The following DNAH11 variants were observed in gnomAD, a reference collection of about 807,000 sequenced individuals.
DNAH11 encodes the protein dynein axonemal heavy chain 11, also known as axonemal beta dynein heavy chain 11.
A neutral mutation model predicts 526.0 loss-of-function variants in DNAH11; 442 were observed. The observed-to-expected ratio is 0.84, with a 90% CI of 0.78 to 0.91. The LOEUF (loss-of-function observed/expected upper bound fraction) is 0.91. DNAH11 is among the 40% of genes least tolerant of loss of function. DNAH11 has a pLI of 0.00. For missense variants in DNAH11, 6,989 were observed against 5,448.7 expected, an observed-to-expected ratio of 1.28 and a Z score of -8.90; for synonymous variants, 2,461 against 1,935.9, an observed-to-expected ratio of 1.27 and a Z score of -7.12.
intron 30 of DNAH11, among the ~76,000 whole-genome samples, chr7:21,681,198 A>G (rs1783119935): frequency 6.6e-6 from 1 of 152,080 alleles, no homozygotes; most frequent in East Asian, 1.9e-4. Flanking sequence ...AGGCCGAGGT[A>G]GGCAGATCAC....
At position 21,588,551 on chromosome 7, in the gene DNAH11, T is replaced by C. The variant is rs1583505808; in HGVS notation, c.1888T>C (p.Phe630Leu). The change falls in exon 11 of 82, where the codon TTT becomes CTT. Residue 630 changes from phenylalanine (F) to leucine (L), a missense_variant. Transcript: ENST00000409508. ...TGTAGTTCTTAACAAGAACATGCCATTTACCTCAGGAAATATGAAATGGGC... is the reference window on the plus strand; with the variant it reads ...TGTAGTTCTTAACAAGAACATGCCACTTACCTCAGGAAATATGAAATGGGC... ...GHVVLNKNMP[F>L]TSGNMKWAQQ... 1 of 1,613,714 alleles carries C rather than the reference T, an allele frequency of 6.2e-7. No homozygotes were observed. Among genetic ancestry groups the C allele is most frequent in the Non-Finnish European group, 8.5e-7 (1 of 1,179,640 alleles).
chr7:21,736,599 G>T (rs1461967310), intron 46 of DNAH11, among the ~76,000 whole-genome samples: 1 of 152,168 alleles, frequency 6.6e-6, no homozygotes, highest in Admixed American at 6.5e-5. Context: ...AATAATAAAT[G>T]TTCTTACTCA....
intron 68 of DNAH11, among the ~76,000 whole-genome samples, chr7:21,860,293 A>G (rs1384216062): frequency 6.6e-6 from 1 of 151,928 alleles, no homozygotes; most frequent in African/African-American, 2.4e-5. Flanking sequence ...CTATCAAAAA[A>G]AAAAGATAAC....
intron 74 of DNAH11, among the ~76,000 whole-genome samples, chr7:21,874,739 C>CT (rs1783640414): frequency 6.6e-6 from 1 of 151,894 alleles, no homozygotes; most frequent in African/African-American, 2.4e-5. Context: ...TACCATTACT[C>CT]TTTTTACCCA....
intron 8 of DNAH11, among the ~76,000 whole-genome samples, chr7:21,577,512 A>C (rs1784142450): frequency 6.6e-6 from 1 of 152,184 alleles, no homozygotes; most frequent in Non-Finnish European, 1.5e-5. Flanking sequence ...ATGTTGGAGC[A>C]AACCTGATGG....
chr7:21,832,643 C>T (rs998839873), intron 65 of DNAH11, among the ~76,000 whole-genome samples: 5 of 152,116 alleles, frequency 3.3e-5, no homozygotes, highest in African/African-American at 9.7e-5. Flanking sequence ...GAAGGAGCAT[C>T]GTTATATATA....
intron 34 of DNAH11, among the ~76,000 whole-genome samples, chr7:21,689,277 T>A (rs1001443476): frequency 6.6e-6 from 1 of 152,234 alleles, no homozygotes; most frequent in Non-Finnish European, 1.5e-5. Context: ...TCCTTTCTTA[T>A]GGAGATTTAT....
intron 63 of DNAH11, among the ~76,000 whole-genome samples, chr7:21,809,740 A>G (rs2127997247): frequency 6.6e-6 from 1 of 150,932 alleles, no homozygotes; most frequent in South Asian, 2.1e-4. Context: ...ATTTTTTTGT[A>G]TTTTTAGTAG....
intron 54 of DNAH11, among the ~76,000 whole-genome samples, chr7:21,761,023 T>G (rs868333275): frequency 2.6e-5 from 4 of 152,228 alleles, no homozygotes; most frequent in Middle Eastern, 3.2e-3. Flanking sequence ...GAAAATTATT[T>G]GGAATGATTT....
intron 65 of DNAH11, among the ~76,000 whole-genome samples, chr7:21,840,949 A>G (rs1233664728): frequency 6.6e-6 from 1 of 152,212 alleles, no homozygotes; most frequent in East Asian, 1.9e-4. Flanking sequence ...TGGAAGGCCA[A>G]GGCGGGTGGA....
intron 43 of DNAH11, 64 bp from the exon 44 acceptor site, chr7:21,720,661 A>C: frequency 6.7e-7 from 1 of 1,482,360 alleles, no homozygotes; most frequent in Non-Finnish European, 9.0e-7. Flanking sequence ...AGTTGTAAAA[A>C]TATTCTTTGA....
chr7:21,881,029 C>T (rs1253661014), intron 75 of DNAH11, 136 bp downstream of exon 75: 10 of 812,940 alleles, frequency 1.2e-5, no homozygotes, highest in African/African-American at 9.0e-5. Flanking sequence ...TATCTTCTGC[C>T]AAGTGTGAAA....
rs1307484100 is a variant in DNAH11 at position 21,703,372 on chromosome 7, C to A, written c.6273+570C>A. On this transcript the variant is annotated intron_variant, in intron 37 of 81. Transcript: ENST00000409508. Reference sequence around the variant, plus strand: ...GAGCAATGGATATGTGTTATCAGTCCATTTTCACACTGTTACAAAGAACTA... The same window carrying A: ...GAGCAATGGATATGTGTTATCAGTCAATTTTCACACTGTTACAAAGAACTA... 2.0e-5 allele frequency: 3 copies of A among 152,968 alleles called. No homozygotes were observed. In the East Asian group the frequency reaches 5.8e-4, roughly 29 times the overall value. The allele number at this position is 152,968 out of a possible 1,614,324, so 9.5% of individuals were successfully genotyped here. A position where few individuals can be genotyped will look rare whatever the true frequency, so the allele number is the denominator to read the frequency against.
intron 28 of DNAH11, among the ~76,000 whole-genome samples, chr7:21,646,442 GAGAGTTTCC>G (rs1787359797): frequency 6.6e-6 from 1 of 152,170 alleles, no homozygotes; most frequent in Admixed American, 6.5e-5. Flanking sequence ...TCTGTCCTGA[GAGAGTTTCC>G]AGGCCATAGC....
Position 21,581,557 on chromosome 7 carries a change from C to G in DNAH11, c.1594-348C>G, listed in dbSNP as rs555546389. ...TTCTTTTTTCTTTTCTGAAAAACTT[C>G]ACTTTTTCATTTATAATCAAAATGA... is the stretch of plus-strand genomic sequence containing the variant. On this transcript the variant is annotated intron_variant, in intron 8 of 81. Coordinates refer to ENST00000409508, the MANE Select transcript of DNAH11 (RefSeq NM_001277115.2). Among the ~76,000 whole-genome samples, 6 of 152,264 alleles carry G rather than the reference C, an allele frequency of 3.9e-5. No homozygotes were observed. The South Asian group carries it at 8.3e-4, about 21-fold the overall frequency.
chr7:21,789,005 C>T (rs1436223955), intron 60 of DNAH11, among the ~76,000 whole-genome samples: 2 of 152,026 alleles, frequency 1.3e-5, no homozygotes, highest in Non-Finnish European at 2.9e-5. Flanking sequence ...TGAAAAATAA[C>T]AGGCCAGGTG....
intron 32 of DNAH11, among the ~76,000 whole-genome samples, chr7:21,685,206 A>T (rs1356014407): frequency 6.6e-6 from 1 of 152,246 alleles, no homozygotes; most frequent in Non-Finnish European, 1.5e-5. Context: ...GAGAGGGATT[A>T]AAATTGTAGC....
At chr7:21,630,095 T>C (rs939406960) in intron 25 of DNAH11, among the ~76,000 whole-genome samples, 1 of 152,106 alleles carries the variant, frequency 6.6e-6, no homozygotes, top group Non-Finnish European at 1.5e-5. Context: ...TTTTGCATTG[T>C]GGTTACCATG....
rs1203746079 is a variant in DNAH11 at position 21,866,650 on chromosome 7, A to T, written c.11677A>T (p.Thr3893Ser). 1.2e-6 allele frequency: 2 copies of T among 1,612,134 alleles called. No individual in the cohort carries two copies. The highest frequency in any genetic ancestry group is 1.7e-6 in the Non-Finnish European group (2 of 1,179,028). ...LLRAMRPDRM[T>S]YALRNFVEEK... ...GAGAGCAATGCGCCCTGACAGAATG[A>T]CGTATGCTCTCAGGTGGGGTGGTCA... Residue 3893 changes from threonine (T) to serine (S), a missense_variant, in exon 71 of 82, where the codon ACG becomes TCG. Thr to Ser is a moderately conservative substitution (Grantham distance 58, BLOSUM62 1). Transcript: ENST00000409508.
Sources: allele counts gnomAD v4.1 joint callset (sites outside exome capture counted in the v4.1 genomes callset), GRCh38; gene constraint gnomAD v4.1.1; transcripts MANE v1.5; gene names NCBI Gene and HGNC (gene_info 2026-07-23, HGNC 2026-07-21).